The following SNTB2 variants were observed in gnomAD, a reference collection of about 807,000 sequenced individuals.
SNTB2 encodes beta-2-syntrophin.
Under a neutral mutation model 46.2 loss-of-function variants are expected in SNTB2, and 34 were observed. The ratio of observed to expected loss-of-function variants is 0.74; its 90% CI spans 0.56 to 0.98. The LOEUF is 0.98. SNTB2 is among the 50% of genes least tolerant of loss of function. SNTB2 has a pLI of 0.00. For missense variants in SNTB2, 603 were observed against 731.4 expected, an observed-to-expected ratio of 0.82 and a Z score of 2.02; for synonymous variants, 290 against 312.6, an observed-to-expected ratio of 0.93 and a Z score of 0.76.
At chr16:69,248,796 C>CA (rs1037686288) in intron 2 of SNTB2, among the ~76,000 whole-genome samples, 18 of 123,544 alleles carry the variant, frequency 1.5e-4, no homozygotes, top group African/African-American at 2.7e-4. Context: ...CCTATCTCTA[C>CA]AAAAAAAAAG....
At chr16:69,264,834 A>G (rs1964869545) in intron 3 of SNTB2, among the ~76,000 whole-genome samples, 1 of 152,212 alleles carries the variant, frequency 6.6e-6, no homozygotes, top group African/African-American at 2.4e-5. Context: ...GAAAGAAGAA[A>G]AGAAGAAAAA....
At chr16:69,197,147 C>T (rs1488530025) in intron 1 of SNTB2, among the ~76,000 whole-genome samples, 1 of 152,054 alleles carries the variant, frequency 6.6e-6, no homozygotes, top group African/African-American at 2.4e-5. Context: ...TTAAGAAGTA[C>T]CCAAAATGGG....
chr16:69,246,491 A>G (rs1383000936), intron 2 of SNTB2, among the ~76,000 whole-genome samples: 1 of 148,162 alleles, frequency 6.7e-6, no homozygotes, highest in Non-Finnish European at 1.5e-5. Context: ...TTTTGCATCA[A>G]TGTTCATCAA....
At chr16:69,206,836 G>C (rs938306472) in intron 1 of SNTB2, among the ~76,000 whole-genome samples, 1 of 151,452 alleles carries the variant, frequency 6.6e-6, no homozygotes, top group Non-Finnish European at 1.5e-5. Flanking sequence ...CGCAATCTCA[G>C]CTCACTGCAA....
intron 1 of SNTB2, among the ~76,000 whole-genome samples, chr16:69,227,886 C>A (rs2152294507): frequency 7.8e-6 from 1 of 127,752 alleles, no homozygotes; most frequent in Non-Finnish European, 1.6e-5. Context: ...AAGATGGGGT[C>A]TCACTCTGTC....
chr16:69,257,068 G>T (rs1278613933), intron 2 of SNTB2, among the ~76,000 whole-genome samples: 2 of 152,014 alleles, frequency 1.3e-5, no homozygotes, highest in Non-Finnish European at 2.9e-5. Flanking sequence ...CTACTTGGGA[G>T]GCTGAGGCAG....
Position 69,301,095 on chromosome 16 carries a change from G to A in SNTB2, c.*171G>A, listed in dbSNP as rs1236921641. On this transcript the variant is annotated 3_prime_UTR_variant, in exon 7 of 7. Transcript: ENST00000336278. The stretch of plus-strand genomic sequence containing the variant: ...TTTAAAGAAGAGCCTACCTTTCACA[G>A]TCTACCTTGGCCAGATATTCTAGCA... 1 of 568,672 alleles carries A rather than the reference G, an allele frequency of 1.8e-6. No homozygotes were observed. The highest frequency in any genetic ancestry group is 1.9e-5 in the African/African-American group (1 of 53,452). The allele number at this position is 568,672 out of a possible 1,614,324, so 35.2% of individuals were successfully genotyped here. A position where few individuals can be genotyped will look rare whatever the true frequency, so the allele number is the denominator to read the frequency against.
At chr16:69,223,640 T>C (rs1321000456) in intron 1 of SNTB2, among the ~76,000 whole-genome samples, 1 of 152,130 alleles carries the variant, frequency 6.6e-6, no homozygotes, top group African/African-American at 2.4e-5. Context: ...AGTTTTGTTT[T>C]TTTTTTGAGA....
intron 1 of SNTB2, among the ~76,000 whole-genome samples, chr16:69,222,957 T>TA: frequency 6.6e-6 from 1 of 151,672 alleles, no homozygotes; most frequent in East Asian, 2.0e-4. Context: ...AATTTTTTTT[T>TA]ATTTTTAGTA....
chr16:69,195,696 C>A (rs928677900), intron 1 of SNTB2, among the ~76,000 whole-genome samples: 1 of 152,026 alleles, frequency 6.6e-6, no homozygotes, highest in South Asian at 2.1e-4. Flanking sequence ...AATAACTAAC[C>A]CCTGTAAGAA....
intron 1 of SNTB2, among the ~76,000 whole-genome samples, chr16:69,217,885 T>C (rs1395363102): frequency 1.3e-5 from 2 of 152,316 alleles, no homozygotes; most frequent in African/African-American, 4.8e-5. Context: ...AAAAAAATTT[T>C]TTTTAGGTAA....
rs1212888762 is a variant in SNTB2, at chr16:69,305,477, G to A, written c.*4553G>A. 1 of 152,192 alleles carries A rather than the reference G, an allele frequency of 6.6e-6. No homozygotes were observed. The highest frequency in any genetic ancestry group is 1.5e-5 in the Non-Finnish European group (1 of 68,032). The allele number at this position is 152,192 out of a possible 1,614,324, so 9.4% of individuals were successfully genotyped here. On this transcript the variant is annotated 3_prime_UTR_variant, in exon 7 of 7. Transcript: ENST00000336278. ...GTTGATGCCATGAATGAAATGGCTG[G>A]TTAGAAAGCCAAAGGTCTTCTTTTT... is the stretch of plus-strand genomic sequence containing the variant.
chr16:69,261,247 AT>A (rs552052767), intron 3 of SNTB2, among the ~76,000 whole-genome samples: 20 of 145,646 alleles, frequency 1.4e-4, no homozygotes, highest in Admixed American at 3.4e-4. Context: ...TTCATTTTTG[AT>A]TTTTTTTTTT....
intron 3 of SNTB2, among the ~76,000 whole-genome samples, chr16:69,267,410 T>TA (rs1964897146): frequency 6.6e-6 from 1 of 152,214 alleles, no homozygotes; most frequent in African/African-American, 2.4e-5. Context: ...TGGGGACAAA[T>TA]ACCTAGTAGT....
intron 1 of SNTB2, among the ~76,000 whole-genome samples, chr16:69,211,336 A>AT (rs890909767): frequency 2.0e-4 from 30 of 152,192 alleles, no homozygotes; most frequent in African/African-American, 6.7e-4. Flanking sequence ...AAATGTAAAT[A>AT]TCCTAATACC....
chr16:69,293,787 G>A (rs1965197469), intron 5 of SNTB2, among the ~76,000 whole-genome samples: 1 of 152,206 alleles, frequency 6.6e-6, no homozygotes, highest in Non-Finnish European at 1.5e-5. Flanking sequence ...GAAGGTGGAG[G>A]TAGATGCAAT....
At chr16:69,242,698 G>A (rs1169500982) in intron 1 of SNTB2, among the ~76,000 whole-genome samples, 1 of 152,140 alleles carries the variant, frequency 6.6e-6, no homozygotes, top group South Asian at 2.1e-4. Context: ...CTTTTGGGGT[G>A]GGAGGAAGCC....
At chr16:69,206,573 C>T (rs1456165212) in intron 1 of SNTB2, among the ~76,000 whole-genome samples, 2 of 151,284 alleles carry the variant, frequency 1.3e-5, no homozygotes, top group African/African-American at 4.9e-5. Context: ...TGCCTGTAAT[C>T]CCAGCTACTC....
At chr16:69,200,339 C>T (rs1964149965) in intron 1 of SNTB2, among the ~76,000 whole-genome samples, 1 of 152,162 alleles carries the variant, frequency 6.6e-6, no homozygotes, top group Non-Finnish European at 1.5e-5. Context: ...TTAGCATCAG[C>T]ACGCTAGTAT....
Sources: gnomAD v4.1 joint callset for allele counts (sites outside exome capture counted in the v4.1 genomes callset) on GRCh38, gnomAD v4.1.1 for gene constraint, MANE v1.5 for transcripts, NCBI Gene and HGNC (gene_info 2026-07-23, HGNC 2026-07-21) for gene names.